Variants in NCAM1 observed in about 807,000 individuals in gnomAD.
NCAM1 encodes antigen recognized by monoclonal antibody 5.1H11.
A neutral mutation model predicts 109.8 loss-of-function variants in NCAM1; 14 were observed. The observed-to-expected ratio is 0.13, with a 90% CI of 0.08 to 0.20. NCAM1 has a LOEUF of 0.20. NCAM1 is among the 10% of genes least tolerant of loss of function. The probability of loss-of-function intolerance (pLI) is 1.00; values close to 1 mark genes in which losing one functional copy is unlikely to be tolerated. For synonymous variants in NCAM1, 418 were observed against 442.9 expected (o/e 0.94, Z 0.70); for missense variants, 774 against 1,109.9 (o/e 0.70, Z 4.30).
chr11:113,096,676 A>G (rs1484801987), intron 1 of NCAM1, among the ~76,000 whole-genome samples: 3 of 152,074 alleles, frequency 2.0e-5, no homozygotes, highest in African/African-American at 7.2e-5. Context: ...ACCTTTTGTT[A>G]ATTATTTCAA....
At chr11:113,023,561 C>T (rs1305605317) in intron 1 of NCAM1, among the ~76,000 whole-genome samples, 2 of 152,166 alleles carry the variant, frequency 1.3e-5, no homozygotes, top group East Asian at 1.9e-4. Flanking sequence ...AGTATGAACA[C>T]AGTTTTCCTT....
At chr11:113,076,998 T>C (rs2135624696) in intron 1 of NCAM1, among the ~76,000 whole-genome samples, 1 of 152,350 alleles carries the variant, frequency 6.6e-6, no homozygotes, top group South Asian at 2.1e-4. Context: ...TACCTGATTA[T>C]TATACATGTG....
chr11:113,271,953 C>A, intron 19 of NCAM1, 77 bp downstream of exon 19: 2 of 1,130,018 alleles, frequency 1.8e-6, no homozygotes, highest in Non-Finnish European at 2.5e-6. Flanking sequence ...CCCCACCTCC[C>A]GTGCCCCTAC....
At chr11:113,048,099 G>T (rs1019012037) in intron 1 of NCAM1, among the ~76,000 whole-genome samples, 7 of 152,156 alleles carry the variant, frequency 4.6e-5, no homozygotes, top group Non-Finnish European at 1.5e-5. Context: ...AACAGTGATG[G>T]TGACTGCTGC....
chr11:113,226,888 C>A (rs1243100969), intron 9 of NCAM1, among the ~76,000 whole-genome samples: 2 of 152,216 alleles, frequency 1.3e-5, no homozygotes, highest in East Asian at 3.9e-4. Flanking sequence ...CCAATGAGAA[C>A]AAAGATACAA....
intron 1 of NCAM1, among the ~76,000 whole-genome samples, chr11:113,012,250 C>T (rs1952086923): frequency 6.6e-6 from 1 of 152,072 alleles, no homozygotes; most frequent in Non-Finnish European, 1.5e-5. Context: ...AACTCCTGGC[C>T]TCAAGTGATC....
intron 1 of NCAM1, among the ~76,000 whole-genome samples, chr11:113,058,428 G>A (rs1367112744): frequency 6.6e-6 from 1 of 152,194 alleles, no homozygotes; most frequent in Non-Finnish European, 1.5e-5. Context: ...GATAGTGGAA[G>A]GCACAGGTAA....
chr11:113,224,251 G>A (rs1012552447), intron 9 of NCAM1, among the ~76,000 whole-genome samples: 4 of 152,218 alleles, frequency 2.6e-5, no homozygotes, highest in Non-Finnish European at 5.9e-5. Context: ...ACACTTTTCC[G>A]ATGGTCTTAG....
intron 15 of NCAM1, among the ~76,000 whole-genome samples, chr11:113,252,631 A>G (rs1945715582): frequency 6.6e-6 from 1 of 151,754 alleles, no homozygotes. Context: ...TAATAAACCT[A>G]AATATTATTT....
At chr11:113,116,752 C>T (rs559491824) in intron 1 of NCAM1, among the ~76,000 whole-genome samples, 1 of 150,678 alleles carries the variant, frequency 6.6e-6, no homozygotes, top group East Asian at 1.9e-4. Context: ...ATTGGCATTG[C>T]ACATTGACAT....
At chr11:113,082,751 G>C (rs782364572) in intron 1 of NCAM1, among the ~76,000 whole-genome samples, 1 of 152,186 alleles carries the variant, frequency 6.6e-6, no homozygotes, top group Non-Finnish European at 1.5e-5. Flanking sequence ...GACCTGGCTC[G>C]GCAAGGTTAA....
intron 6 of NCAM1, 131 bp from the exon 7 acceptor site, chr11:113,207,702 G>A (rs1944277387): frequency 1.0e-6 from 1 of 976,448 alleles, no homozygotes; most frequent in Non-Finnish European, 1.5e-6. Flanking sequence ...TCAACTTGGT[G>A]CCTTAACTTT....
chr11:113,262,311 A>G (rs1269457966), intron 17 of NCAM1, among the ~76,000 whole-genome samples: 1 of 152,220 alleles, frequency 6.6e-6, no homozygotes, highest in African/African-American at 2.4e-5. Context: ...GTGCTGACTC[A>G]TAGTGCAGCG....
intron 1 of NCAM1, among the ~76,000 whole-genome samples, chr11:113,185,089 G>T (rs71475100): frequency 0.35 from 34,036 of 97,358 alleles, 4,979 homozygotes; most frequent in South Asian, 0.4. Flanking sequence ...TAGAGAGAGA[G>T]AGAGAGAGAG....
intron 1 of NCAM1, among the ~76,000 whole-genome samples, chr11:113,035,374 G>A (rs1237370639): frequency 6.6e-6 from 1 of 152,054 alleles, no homozygotes; most frequent in Admixed American, 6.5e-5. Flanking sequence ...TAATGACATC[G>A]AGATCTTGGA....
chr11:113,071,633 G>T (rs1419630684), intron 1 of NCAM1, among the ~76,000 whole-genome samples: 1 of 151,978 alleles, frequency 6.6e-6, no homozygotes, highest in Admixed American at 6.5e-5. Flanking sequence ...CACCGTGTTA[G>T]CCAGGATGGT....
chr11:113,146,896 G>GGA (rs539408025), intron 1 of NCAM1, among the ~76,000 whole-genome samples: 5 of 139,494 alleles, frequency 3.6e-5, no homozygotes, highest in Non-Finnish European at 6.3e-5. Context: ...TGTGTCTTAG[G>GGA]AAAAAAAAAA....
intron 1 of NCAM1, among the ~76,000 whole-genome samples, chr11:113,036,017 C>T (rs1555079130): frequency 6.6e-6 from 1 of 152,028 alleles, no homozygotes; most frequent in Non-Finnish European, 1.5e-5. Flanking sequence ...CCAGTCACTT[C>T]TCTGCTCCTG....
At chr11:113,265,046 G>T (rs575311031) in intron 17 of NCAM1, 2 of 985,294 alleles carry the variant, frequency 2.0e-6, no homozygotes, top group African/African-American at 1.7e-5. Context: ...ACACCATGGG[G>T]CCCCTTTGCT....
Sources: gnomAD v4.1 joint callset for allele counts (sites outside exome capture counted in the v4.1 genomes callset) on GRCh38, gnomAD v4.1.1 for gene constraint, MANE v1.5 for transcripts, NCBI Gene and HGNC (gene_info 2026-07-23, HGNC 2026-07-21) for gene names.